The following SHANK2 variants were observed in gnomAD, a reference collection of about 807,000 sequenced individuals.
The protein encoded by SHANK2 is SH3 and multiple ankyrin repeat domains protein 2.
A neutral mutation model predicts 133.7 loss-of-function variants in SHANK2; 43 were observed. That is an observed-to-expected ratio of 0.32 (90% CI 0.25 to 0.41). SHANK2 has a LOEUF of 0.41. SHANK2 is among the 10% of genes least tolerant of loss of function. The pLI, the probability that SHANK2 is intolerant of heterozygous loss-of-function variation, is 1.00. For synonymous variants in SHANK2, 1,017 were observed against 952.8 expected (o/e 1.07, Z -1.24); for missense variants, 1,994 against 2,235.8 (o/e 0.89, Z 2.18).
intron 11 of SHANK2, among the ~76,000 whole-genome samples, chr11:70,831,121 G>C (rs1409277263): frequency 6.6e-6 from 1 of 152,208 alleles, no homozygotes; most frequent in Non-Finnish European, 1.5e-5. Context: ...GCGGGTAGCA[G>C]AGAGGGTGGC....
At position 70,554,982 on chromosome 11, in the gene SHANK2, C is replaced by T. The variant is rs868974341; in HGVS notation, c.2062-52051G>A. Reference sequence around the variant, plus strand: ...CATCAGCACCATTTTCCCAACAGCACGTGCTCACTTTGCATCTCTGTGTCA... The same window carrying T: ...CATCAGCACCATTTTCCCAACAGCATGTGCTCACTTTGCATCTCTGTGTCA... On this transcript the variant is annotated intron_variant, in intron 17 of 25. Coordinates refer to ENST00000601538, the MANE Select transcript of SHANK2 (RefSeq NM_012309.5). Among the ~76,000 whole-genome samples the T allele has an allele frequency of 5.3e-5, 8 of 151,432 alleles. No homozygotes were observed. The East Asian group carries it at 5.8e-4, about 11-fold the overall frequency.
At chr11:70,934,046 A>T (rs534141530) in intron 10 of SHANK2, among the ~76,000 whole-genome samples, 1 of 152,210 alleles carries the variant, frequency 6.6e-6, no homozygotes, top group African/African-American at 2.4e-5. Flanking sequence ...AGCCTGGGCA[A>T]CATGGCAAAA....
chr11:71,064,662 G>A (rs1951026640), intron 9 of SHANK2, among the ~76,000 whole-genome samples: 2 of 152,008 alleles, frequency 1.3e-5, no homozygotes, highest in Non-Finnish European at 2.9e-5. Flanking sequence ...GAAGGGTGGT[G>A]GGGACAAGAG....
intron 17 of SHANK2, among the ~76,000 whole-genome samples, chr11:70,607,299 C>T (rs1554992757): frequency 6.6e-6 from 1 of 152,206 alleles, no homozygotes; most frequent in African/African-American, 2.4e-5. Flanking sequence ...TGAGCCCAGC[C>T]TCCGTGGAAG....
At chr11:70,663,574 C>A (rs1261666135) in intron 15 of SHANK2, among the ~76,000 whole-genome samples, 1 of 152,198 alleles carries the variant, frequency 6.6e-6, no homozygotes, top group Non-Finnish European at 1.5e-5. Context: ...AATAGCCCAG[C>A]ATGAATGATA....
At chr11:71,203,948 C>T (rs1378368420) in intron 2 of SHANK2, among the ~76,000 whole-genome samples, 2 of 152,178 alleles carry the variant, frequency 1.3e-5, no homozygotes, top group Non-Finnish European at 2.9e-5. Context: ...GGAGAGAACA[C>T]GGAAAGCGGG....
At chr11:70,489,147 T>C in intron 24 of SHANK2, 181 bp downstream of exon 24, 1 of 651,926 alleles carries the variant, frequency 1.5e-6, no homozygotes, top group South Asian at 1.8e-5. Flanking sequence ...AACATACTCC[T>C]TGTGGGAGGA....
At chr11:71,118,394 G>A (rs1227812362) in intron 4 of SHANK2, among the ~76,000 whole-genome samples, 1 of 152,150 alleles carries the variant, frequency 6.6e-6, no homozygotes, top group Non-Finnish European at 1.5e-5. Context: ...TGGCTGCGGA[G>A]GCCTCAGGAA....
At chr11:70,952,896 C>T (rs746493276) in intron 10 of SHANK2, 1 of 262,932 alleles carries the variant, frequency 3.8e-6, no homozygotes, top group South Asian at 3.5e-5. Context: ...AGCCAGTGTC[C>T]AAAATGGCAT....
intron 14 of SHANK2, among the ~76,000 whole-genome samples, chr11:70,784,338 G>A (rs530864138): frequency 2.5e-4 from 31 of 122,666 alleles, no homozygotes; most frequent in Non-Finnish European, 3.8e-4. Flanking sequence ...CCACCACACC[G>A]GCTAGTTTTT....
chr11:70,937,814 C>T (rs1475033073), intron 10 of SHANK2, among the ~76,000 whole-genome samples: 2 of 152,032 alleles, frequency 1.3e-5, no homozygotes, highest in Non-Finnish European at 2.9e-5. Context: ...GAACACAAAT[C>T]CACTCAGATG....
At chr11:70,868,709 G>A (rs956212697) in intron 11 of SHANK2, among the ~76,000 whole-genome samples, 1 of 152,230 alleles carries the variant, frequency 6.6e-6, no homozygotes, top group African/African-American at 2.4e-5. Context: ...AGTCACTGGA[G>A]CTGCCACGGC....
At chr11:71,247,775 A>C (rs1954981916) in intron 1 of SHANK2, among the ~76,000 whole-genome samples, 1 of 152,012 alleles carries the variant, frequency 6.6e-6, no homozygotes, top group Non-Finnish European at 1.5e-5. Context: ...TCAGATTGGG[A>C]GTTTGTGGCC....
chr11:71,247,682 C>T (rs1364682637), intron 1 of SHANK2, among the ~76,000 whole-genome samples: 3 of 152,154 alleles, frequency 2.0e-5, no homozygotes, highest in African/African-American at 4.8e-5. Context: ...GGGGAGCTCC[C>T]GTGCTGCCTT....
intron 25 of SHANK2, among the ~76,000 whole-genome samples, chr11:70,483,535 CCAAAAAAAAAAA>C (rs1204486016): frequency 1.7e-3 from 55 of 33,328 alleles, no homozygotes; most frequent in African/African-American, 6.0e-3. Flanking sequence ...CTCATCTCTA[CCAAAAAAAAAAA>C]AAAAAAAAAA....
rs1555154703 is a variant in SHANK2 at position 70,487,729 on chromosome 11, A to G, written c.2573-9T>C. On this transcript the variant is annotated splice_polypyrimidine_tract_variant and intron_variant, in intron 24 of 25. Coordinates refer to ENST00000601538, the MANE Select transcript of SHANK2 (RefSeq NM_012309.5). This position sits in a 1 kb window ranked among gnomAD's most constrained non-coding sequence, Gnocchi z 5.8. The stretch of plus-strand genomic sequence containing the variant: ...CTCTTCCTCTGTTATTCCTACAAGC[A>G]GAAAACAGGTTTAGCTTTAAGTCAC... 5.2e-6 allele frequency: 8 copies of G among 1,553,338 alleles called. No individual in the cohort carries two copies. The highest frequency in any genetic ancestry group is 6.1e-6 in the Non-Finnish European group (7 of 1,148,312).
At position 70,492,412 on chromosome 11, in the gene SHANK2, T is replaced by C. The variant is rs782269926; in HGVS notation, c.2362A>G (p.Met788Val). Residue 788 changes from methionine to valine, a missense_variant, in exon 22 of 26, where the codon ATG becomes GTG. Transcript: ENST00000601538. ...GTCGCCACCCTCGGTTCCACAGCCATGTTCTCAGCAGCGCGGGAGGGCTTG... is the reference window on the plus strand; with the variant it reads ...GTCGCCACCCTCGGTTCCACAGCCACGTTCTCAGCAGCGCGGGAGGGCTTG... ...ASKPSRAAENMAVEPRVATIK... is the reference protein window; with the variant it reads ...ASKPSRAAENVAVEPRVATIK... 17 of 1,613,936 alleles carry C rather than the reference T, an allele frequency of 1.1e-5. No homozygotes were observed. Among genetic ancestry groups the C allele is most frequent in the South Asian group, 3.3e-5 (3 of 91,086 alleles).
At chr11:70,605,490 C>A (rs1229413638) in intron 17 of SHANK2, among the ~76,000 whole-genome samples, 1 of 152,252 alleles carries the variant, frequency 6.6e-6, no homozygotes, top group Non-Finnish European at 1.5e-5. Context: ...TCTCACCCTC[C>A]AGCGATTAGC....
intron 2 of SHANK2, among the ~76,000 whole-genome samples, chr11:71,203,743 G>A (rs1216118789): frequency 3.9e-5 from 6 of 152,214 alleles, no homozygotes; most frequent in South Asian, 2.1e-4. Flanking sequence ...CTAACAACAC[G>A]TGTTACAGTG....
Sources: gnomAD v4.1 joint callset for allele counts (sites outside exome capture counted in the v4.1 genomes callset) on GRCh38, gnomAD v4.1.1 for gene constraint, Gnocchi (gnomAD v3.1) non-coding constraint, MANE v1.5 for transcripts, NCBI Gene and HGNC (gene_info 2026-07-23, HGNC 2026-07-21) for gene names.